PHEX: variants seen among roughly 807,000 people sequenced by gnomAD.
PHEX encodes the protein phosphate-regulating neutral endopeptidase PHEX.
A neutral mutation model predicts 68.0 loss-of-function variants in PHEX; 16 were observed. The ratio of observed to expected loss-of-function variants is 0.24; its 90% CI spans 0.16 to 0.36. The LOEUF (loss-of-function observed/expected upper bound fraction) is 0.36, where lower values mean the gene tolerates loss of function less well. PHEX is among the 10% of genes least tolerant of loss of function. The probability of loss-of-function intolerance (pLI) is 1.00; values close to 1 mark genes in which losing one functional copy is unlikely to be tolerated. For synonymous variants in PHEX, 208 were observed against 205.1 expected (o/e 1.01, Z -0.12); for missense variants, 480 against 575.5 (o/e 0.83, Z 1.70).
intron 16 of PHEX, among the ~76,000 whole-genome samples, chrX:22,217,787 A>C (rs1359061990): frequency 8.9e-6 from 1 of 111,982 alleles, no homozygotes; most frequent in African/African-American, 3.2e-5. Context: ...TGTAGCAATG[A>C]ACAAGTAGAT....
At chrX:22,057,771 T>C (rs993577580) in intron 3 of PHEX, among the ~76,000 whole-genome samples, 10 of 111,278 alleles carry the variant, frequency 9.0e-5, no homozygotes, top group Admixed American at 3.8e-4. Context: ...CTTGTCCATT[T>C]TGGGTGTCAC....
At chrX:22,163,145 G>C (rs1282039322) in intron 12 of PHEX, 2 of 112,083 alleles carry the variant, frequency 1.8e-5, no homozygotes, top group South Asian at 3.7e-4. Flanking sequence ...CTGGCCCAAA[G>C]TGTTGAGAAA....
chrX:22,089,082 C>T (rs552332072), intron 5 of PHEX, among the ~76,000 whole-genome samples: 37 of 112,321 alleles, frequency 3.3e-4, no homozygotes, highest in African/African-American at 9.7e-4. Context: ...AGTGCAGTGG[C>T]GCCATCCCAG....
At chrX:22,204,616 C>T (rs1397441608) in intron 15 of PHEX, among the ~76,000 whole-genome samples, 1 of 111,663 alleles carries the variant, frequency 9.0e-6, no homozygotes, top group Non-Finnish European at 1.9e-5. Flanking sequence ...TGTTAGTAGT[C>T]AGTGGTTATG....
intron 5 of PHEX, among the ~76,000 whole-genome samples, chrX:22,089,149 G>A (rs1929749650): frequency 8.9e-6 from 1 of 111,801 alleles, no homozygotes; most frequent in African/African-American, 3.3e-5. Flanking sequence ...AGCTTCCCAA[G>A]TAGCTAGAAT....
chrX:22,173,394 G>A (rs1350042191), intron 13 of PHEX, among the ~76,000 whole-genome samples: 1 of 111,025 alleles, frequency 9.0e-6, no homozygotes, highest in African/African-American at 3.3e-5. Context: ...GTGCTGGCTG[G>A]AACTCCCTCA....
intron 12 of PHEX, among the ~76,000 whole-genome samples, chrX:22,134,381 A>G (rs1478497772): frequency 8.9e-6 from 1 of 112,266 alleles, no homozygotes; most frequent in Non-Finnish European, 1.9e-5. Context: ...ACTTGAGGTC[A>G]GGAGTTTGAG....
intron 20 of PHEX, among the ~76,000 whole-genome samples, chrX:22,236,320 C>T (rs1468087337): frequency 3.6e-5 from 4 of 112,446 alleles, no homozygotes; most frequent in African/African-American, 1.3e-4. Flanking sequence ...CAGTTGAGTA[C>T]TTAACTGCTC....
rs143684410 is a variant in PHEX at position 22,200,275 on chromosome X, A to T, written c.1645+9773A>T. Among the ~76,000 whole-genome samples the T allele has an allele frequency of 3.6e-4, 40 of 112,374 alleles. 1 individual carries two copies. In the East Asian group the frequency reaches 0.011, roughly 31 times the overall value. ...CTGATTGCATCCTGTTTATCGTCAC[A>T]CTACACTGTTCAAAACTGGATAGGA... On this transcript the variant is annotated intron_variant, in intron 15 of 21. Transcript: ENST00000379374.
At chrX:22,129,094 A>G (rs948188270) in intron 11 of PHEX, among the ~76,000 whole-genome samples, 5 of 110,893 alleles carry the variant, frequency 4.5e-5, no homozygotes, top group Admixed American at 9.6e-5. Flanking sequence ...TCATGCATGT[A>G]CTTCCTATGA....
At chrX:22,120,305 T>C (rs1024453404) in intron 11 of PHEX, among the ~76,000 whole-genome samples, 2 of 111,529 alleles carry the variant, frequency 1.8e-5, no homozygotes, top group African/African-American at 6.5e-5. Flanking sequence ...ACAATCTACA[T>C]GGAAACCAGT....
intron 2 of PHEX, among the ~76,000 whole-genome samples, chrX:22,043,801 G>A (rs1308203922): frequency 3.6e-5 from 4 of 111,356 alleles, no homozygotes; most frequent in Middle Eastern, 4.2e-3. Context: ...TAGTGACTTG[G>A]AAGAGTACAC....
In PHEX at chrX:22,105,746, C is replaced by T. The variant is rs767093309; in HGVS notation, c.1080-5721C>T. Reference sequence around the variant, plus strand: ...AAGGATAATAATAATAATCACCTCACAGCACTGTTAGAAATATCAAAGAAG... The same window carrying T: ...AAGGATAATAATAATAATCACCTCATAGCACTGTTAGAAATATCAAAGAAG... On this transcript the variant is annotated intron_variant, in intron 9 of 21. Coordinates refer to ENST00000379374, the MANE Select transcript of PHEX (RefSeq NM_000444.6). 6.2e-5 allele frequency among the ~76,000 whole-genome samples: 7 copies of T among 112,043 alleles called. No individual in the cohort carries two copies. In the South Asian group the frequency reaches 2.6e-3, roughly 41 times the overall value.
chrX:22,041,283 A>C (rs765588086), intron 2 of PHEX, among the ~76,000 whole-genome samples: 4,913 of 96,243 alleles, frequency 0.051, 144 homozygotes, highest in Middle Eastern at 0.1. Flanking sequence ...ATATATATAT[A>C]TATATATATA....
intron 11 of PHEX, among the ~76,000 whole-genome samples, chrX:22,133,232 G>C (rs957246248): frequency 1.8e-5 from 2 of 111,168 alleles, no homozygotes; most frequent in Non-Finnish European, 3.8e-5. Context: ...TGTTGTCCGC[G>C]CTGGTCTCAA....
intron 16 of PHEX, among the ~76,000 whole-genome samples, chrX:22,216,847 A>G (rs979645533): frequency 9.0e-6 from 1 of 111,691 alleles, no homozygotes; most frequent in Non-Finnish European, 1.9e-5. Context: ...AATACTCTTC[A>G]TTGATAAAAT....
At chrX:22,197,635 A>G in intron 15 of PHEX, among the ~76,000 whole-genome samples, 1 of 111,469 alleles carries the variant, frequency 9.0e-6, no homozygotes, top group East Asian at 2.8e-4. Flanking sequence ...CGAGACACTG[A>G]TACAGAACCA....
chrX:22,112,958 A>G (rs1415600315), intron 10 of PHEX, among the ~76,000 whole-genome samples: 2 of 110,360 alleles, frequency 1.8e-5, no homozygotes, highest in African/African-American at 6.6e-5. Context: ...ACAACTATAT[A>G]TATATTTAGG....
chrX:22,235,476 T>C (rs973584710), intron 20 of PHEX, among the ~76,000 whole-genome samples: 4 of 111,557 alleles, frequency 3.6e-5, no homozygotes, highest in Non-Finnish European at 7.5e-5. Context: ...GCTAGTGGGA[T>C]CGAGTTTTGG....
Sources: gnomAD v4.1 joint callset for allele counts (sites outside exome capture counted in the v4.1 genomes callset) on GRCh38, gnomAD v4.1.1 for gene constraint, MANE v1.5 for transcripts, NCBI Gene and HGNC (gene_info 2026-07-23, HGNC 2026-07-21) for gene names.